The following AFAP1L2 variants were observed in gnomAD, a reference collection of about 807,000 sequenced individuals.
AFAP1L2 encodes actin filament-associated protein 1-like 2.
A neutral mutation model predicts 99.3 loss-of-function variants in AFAP1L2; 46 were observed. The ratio of observed to expected loss-of-function variants is 0.46; its 90% CI spans 0.37 to 0.59. AFAP1L2 has a LOEUF of 0.59. Ranked by LOEUF, AFAP1L2 falls within the 20% of genes least tolerant of loss-of-function variation. AFAP1L2 has a pLI of 0.00. For synonymous variants in AFAP1L2, 397 were observed against 419.1 expected, an observed-to-expected ratio of 0.95 and a Z score of 0.64; for missense variants, 959 against 1,034.9, an observed-to-expected ratio of 0.93 and a Z score of 1.01.
intron 1 of AFAP1L2, chr10:114,363,191 C>T (rs2052693482): frequency 1.0e-6 from 1 of 984,402 alleles, no homozygotes; most frequent in East Asian, 1.1e-4. Context: ...CAAGGAGAGG[C>T]AACTCTTGAA....
Position 114,331,819 on chromosome 10 carries a change from A to G in AFAP1L2, c.299T>C (p.Leu100Pro). ...SSAPQKSLPD[L>P]PPPKMIPERK... is the part of the protein sequence containing the mutation. Reference sequence around the variant, plus strand: ...GATGCTTACCATCTTGGGTGGCGGGAGGTCTGGAAGGCTCTTCTGAGGGGC... The same window carrying G: ...GATGCTTACCATCTTGGGTGGCGGGGGGTCTGGAAGGCTCTTCTGAGGGGC... The change falls in exon 4 of 19, where the codon CTC (leucine) becomes CCC (proline). Residue 100 changes from leucine to proline, a missense_variant. By Grantham distance (98) the Leu-to-Pro change is moderately conservative (BLOSUM62 -3). Transcript: ENST00000304129. 7.2e-7 allele frequency: 1 copy of G among 1,389,484 alleles called. No individual in the cohort carries two copies. Among genetic ancestry groups the G allele is most frequent in the South Asian group, 1.8e-5 (1 of 56,858 alleles). The allele number at this position is 1,389,484 out of a possible 1,614,324, so 86.1% of individuals were successfully genotyped here. A position where few individuals can be genotyped will look rare whatever the true frequency, so the allele number is the denominator to read the frequency against.
chr10:114,281,381 T>G, the AFAP1L2 span: 1 of 152,200 alleles, frequency 6.6e-6, no homozygotes, highest in African/African-American at 2.4e-5. Context: ...GTGGGGGGAT[T>G]TGGAGTCATG....
upstream of AFAP1L2, chr10:114,404,577 T>C (rs1465337257): frequency 3.0e-6 from 4 of 1,327,840 alleles, no homozygotes; most frequent in South Asian, 3.8e-5. Flanking sequence ...CCGGACCTCC[T>C]GGCGGGGCCG....
At chr10:114,340,168 CAAAAAAAAAATACAA>C (rs1265932343) in intron 2 of AFAP1L2, among the ~76,000 whole-genome samples, 7 of 66,110 alleles carry the variant, frequency 1.1e-4, no homozygotes, top group Non-Finnish European at 2.1e-4. Context: ...CCCATCTCTA[CAAAAAAAAAATACAA>C]AAAAAAAAAA....
the AFAP1L2 span, chr10:114,289,442 C>A: frequency 2.5e-6 from 4 of 1,614,154 alleles, no homozygotes; most frequent in Non-Finnish European, 3.4e-6. Flanking sequence ...GCAGCTTACG[C>A]CGACCTGCGG....
chr10:114,400,239 C>A (rs191282358), intron 1 of AFAP1L2, among the ~76,000 whole-genome samples: 35 of 152,322 alleles, frequency 2.3e-4, no homozygotes, highest in Admixed American at 4.6e-4. Flanking sequence ...CCTTTCCTGG[C>A]CCTTTAATTG....
chr10:114,304,632 G>A, intron 11 of AFAP1L2, 87 bp downstream of exon 11: 1 of 1,243,392 alleles, frequency 8.0e-7, no homozygotes, highest in South Asian at 1.5e-5. Flanking sequence ...TTCTCCCTTA[G>A]TAGCATTACA....
chr10:114,287,103 C>T, the AFAP1L2 span, among the ~76,000 whole-genome samples: 1 of 152,270 alleles, frequency 6.6e-6, no homozygotes, highest in African/African-American at 2.4e-5. Flanking sequence ...TTTTTATGAC[C>T]CCTATTGGAA....
At chr10:114,384,902 T>A (rs2056300489) in intron 1 of AFAP1L2, among the ~76,000 whole-genome samples, 1 of 152,180 alleles carries the variant, frequency 6.6e-6, no homozygotes, top group African/African-American at 2.4e-5. Flanking sequence ...CTCTTGGGAA[T>A]GATCAGGAAC....
At chr10:114,332,913 C>G (rs888584699) in intron 3 of AFAP1L2, among the ~76,000 whole-genome samples, 7 of 152,224 alleles carry the variant, frequency 4.6e-5, no homozygotes, top group African/African-American at 1.7e-4. Context: ...GGGATCAGCA[C>G]CACACACAGC....
At chr10:114,379,760 A>AC (rs1446515634) in intron 1 of AFAP1L2, among the ~76,000 whole-genome samples, 1 of 152,114 alleles carries the variant, frequency 6.6e-6, no homozygotes, top group Non-Finnish European at 1.5e-5. Context: ...TAATCCCATA[A>AC]CCCCCAAACC....
intron 1 of AFAP1L2, among the ~76,000 whole-genome samples, chr10:114,376,427 TG>T (rs2054806888): frequency 6.6e-6 from 1 of 152,240 alleles, no homozygotes; most frequent in South Asian, 2.1e-4. Flanking sequence ...TTGATGCTGA[TG>T]ATTCTACTAA....
chr10:114,357,355 T>C (rs1287285549), intron 1 of AFAP1L2, among the ~76,000 whole-genome samples: 1 of 152,182 alleles, frequency 6.6e-6, no homozygotes, highest in African/African-American at 2.4e-5. Context: ...AACCACATTC[T>C]CTAATGCAAC....
Position 114,300,529 on chromosome 10 carries a change from T to G in AFAP1L2, c.1704A>C (p.Ala568=). The G allele has an allele frequency of 6.2e-7, 1 of 1,614,124 alleles. No individual in the cohort carries two copies. The highest frequency in any genetic ancestry group is 8.5e-7 in the Non-Finnish European group (1 of 1,180,012). The change falls in exon 14 of 19, where the codon GCA becomes GCC. Residue 568 remains alanine, a synonymous_variant. Transcript: ENST00000304129. ...SSPTLSCLDN[A]TEALPADSGP... The stretch of plus-strand genomic sequence containing the variant: ...CTGAGTCTGCCGGGAGGGCCTCAGT[T>G]GCATTGTCCAGGCAGGACAACGTCG...
chr10:114,287,739 T>G, the AFAP1L2 span, among the ~76,000 whole-genome samples: 6 of 152,190 alleles, frequency 3.9e-5, no homozygotes, highest in African/African-American at 1.2e-4. Flanking sequence ...TAATTGACAA[T>G]AGTGGAGAGT....
downstream of AFAP1L2, chr10:114,290,209 G>A (rs749782810): frequency 1.3e-4 from 206 of 1,549,226 alleles, 3 homozygotes; most frequent in Middle Eastern, 3.3e-4. Flanking sequence ...ATGCCTGGCC[G>A]GCCTGGTGGG....
At chr10:114,285,036 C>A in the AFAP1L2 span, 1 of 1,279,266 alleles carries the variant, frequency 7.8e-7, no homozygotes, top group Non-Finnish European at 1.1e-6. Flanking sequence ...CTCCCCTTTT[C>A]ATTGCACGCC....
chr10:114,282,401 TCTTA>T, the AFAP1L2 span: 2 of 826,628 alleles, frequency 2.4e-6, no homozygotes, highest in African/African-American at 3.4e-5. Flanking sequence ...AGGAAGTCTT[TCTTA>T]CTTCTGCATT....
intron 1 of AFAP1L2, among the ~76,000 whole-genome samples, chr10:114,366,295 G>T (rs1023443844): frequency 3.3e-5 from 5 of 152,154 alleles, no homozygotes; most frequent in African/African-American, 4.8e-5. Flanking sequence ...GCTTGGTAGG[G>T]ATTCTGGGAA....
Sources: gnomAD v4.1 joint callset for allele counts (sites outside exome capture counted in the v4.1 genomes callset) on GRCh38, gnomAD v4.1.1 for gene constraint, MANE v1.5 for transcripts, NCBI Gene and HGNC (gene_info 2026-07-23, HGNC 2026-07-21) for gene names.